The following SUPT3H variants were observed in gnomAD, a reference collection of about 807,000 sequenced individuals.
The protein encoded by SUPT3H is transcription initiation protein SPT3 homolog.
Under a neutral mutation model 44.3 loss-of-function variants are expected in SUPT3H, and 44 were observed. The observed-to-expected ratio is 0.99, with a 90% CI of 0.78 to 1.28. SUPT3H has a LOEUF of 1.28. SUPT3H is among the 50% of genes most tolerant of loss of function. The probability of loss-of-function intolerance (pLI) is 0.00; values close to 1 mark genes in which losing one functional copy is unlikely to be tolerated. For missense variants in SUPT3H, 380 were observed against 387.1 expected, an observed-to-expected ratio of 0.98 and a Z score of 0.15; for synonymous variants, 124 against 125.6, an observed-to-expected ratio of 0.99 and a Z score of 0.09.
chr6:45,302,469 T>A (rs1185819479), intron 2 of SUPT3H, among the ~76,000 whole-genome samples: 4 of 139,682 alleles, frequency 2.9e-5, no homozygotes, highest in Admixed American at 2.9e-4. Flanking sequence ...CATATATACA[T>A]ATATATATAT....
intron 9 of SUPT3H, among the ~76,000 whole-genome samples, chr6:44,943,271 A>C (rs1485423670): frequency 6.6e-6 from 1 of 152,170 alleles, no homozygotes; most frequent in African/African-American, 2.4e-5. Flanking sequence ...AATAGATTGG[A>C]GTTGACAGAA....
intron 10 of SUPT3H, among the ~76,000 whole-genome samples, chr6:44,848,710 T>C (rs537567850): frequency 8.7e-4 from 133 of 152,200 alleles, no homozygotes; most frequent in Non-Finnish European, 1.6e-3. Flanking sequence ...TCTACAAGCA[T>C]TCTCTCATGT....
At position 45,351,028 on chromosome 6, in the gene SUPT3H, C is replaced by A. The variant is rs79900913; in HGVS notation, c.101+14173G>T. 7.9e-3 allele frequency among the ~76,000 whole-genome samples: 1,204 copies of A among 152,230 alleles called. 23 individuals carry two copies. The highest frequency in any genetic ancestry group is 0.027 in the African/African-American group (1,137 of 41,526). On this transcript the variant is annotated intron_variant, in intron 2 of 10. Coordinates refer to ENST00000371459, the MANE Select transcript of SUPT3H (RefSeq NM_003599.4). ...TAAGTTCTGCGCTCCTTATGAGAAT[C>A]TAATGCCTGATGATGTGAGGTGTAA...
At chr6:44,864,262 A>G (rs910262845) in intron 10 of SUPT3H, among the ~76,000 whole-genome samples, 15 of 152,226 alleles carry the variant, frequency 9.9e-5, no homozygotes, top group African/African-American at 3.6e-4. Context: ...GGCATTGGGT[A>G]AATACAGCCA....
chr6:45,329,669 A>G (rs1787065965), intron 2 of SUPT3H, among the ~76,000 whole-genome samples: 1 of 151,966 alleles, frequency 6.6e-6, no homozygotes, highest in Non-Finnish European at 1.5e-5. Context: ...ACCCTGTATG[A>G]TTTTTAAAAG....
intron 2 of SUPT3H, among the ~76,000 whole-genome samples, chr6:45,295,928 A>T (rs1472576704): frequency 3.9e-5 from 6 of 152,150 alleles, no homozygotes; most frequent in African/African-American, 1.4e-4. Flanking sequence ...GAGATTCTTT[A>T]AAGAACTAAA....
chr6:45,287,047 A>G (rs1349843185), intron 2 of SUPT3H, among the ~76,000 whole-genome samples: 1 of 152,040 alleles, frequency 6.6e-6, no homozygotes, highest in Non-Finnish European at 1.5e-5. Flanking sequence ...AACAATGAGA[A>G]CACATGGACA....
rs187332101 is a variant in SUPT3H at position 45,283,830 on chromosome 6, T to G, written c.101+81371A>C. Among the ~76,000 whole-genome samples the G allele has an allele frequency of 7.1e-3, 1,079 of 152,250 alleles. 20 individuals carry two copies. The highest frequency in any genetic ancestry group is 0.025 in the African/African-American group (1,024 of 41,546). On this transcript the variant is annotated intron_variant, in intron 2 of 10. Coordinates refer to ENST00000371459, the MANE Select transcript of SUPT3H (RefSeq NM_003599.4). ...ACCTATCCCAAAACTGACCACATAG[T>G]TGGAAGTAAAGTACTCCTCAGCAAA...
chr6:45,299,635 G>C (rs1052582184), intron 2 of SUPT3H, among the ~76,000 whole-genome samples: 1 of 151,306 alleles, frequency 6.6e-6, no homozygotes, highest in South Asian at 2.1e-4. Flanking sequence ...TTTAATGGTA[G>C]CTAAAAAAAT....
At chr6:44,867,349 C>T (rs1372892112) in intron 10 of SUPT3H, among the ~76,000 whole-genome samples, 5 of 151,942 alleles carry the variant, frequency 3.3e-5, no homozygotes, top group African/African-American at 4.8e-5. Flanking sequence ...ACATGTTGGC[C>T]GGGCTGGTTT....
intron 10 of SUPT3H, among the ~76,000 whole-genome samples, chr6:44,862,308 C>T (rs1427152249): frequency 6.6e-6 from 1 of 151,792 alleles, no homozygotes; most frequent in Non-Finnish European, 1.5e-5. Flanking sequence ...TTTTTGGAAC[C>T]CCAAAACCAG....
At chr6:44,975,986 A>T (rs1284965917) in intron 6 of SUPT3H, among the ~76,000 whole-genome samples, 1 of 152,148 alleles carries the variant, frequency 6.6e-6, no homozygotes, top group Non-Finnish European at 1.5e-5. Flanking sequence ...AACAAAACAA[A>T]CAAAATTAAA....
chr6:45,294,582 A>T (rs1780818973), intron 2 of SUPT3H, among the ~76,000 whole-genome samples: 1 of 152,002 alleles, frequency 6.6e-6, no homozygotes, highest in Non-Finnish European at 1.5e-5. Context: ...AAAACCCTAA[A>T]GCCTCCTCCA....
chr6:45,295,629 C>T (rs1361488520), intron 2 of SUPT3H, among the ~76,000 whole-genome samples: 1 of 150,610 alleles, frequency 6.6e-6, no homozygotes, highest in Non-Finnish European at 1.5e-5. Flanking sequence ...GGTCTAATAC[C>T]CAAAATCTAC....
chr6:44,974,331 G>A (rs959626951), intron 6 of SUPT3H, among the ~76,000 whole-genome samples: 1 of 151,852 alleles, frequency 6.6e-6, no homozygotes, highest in Non-Finnish European at 1.5e-5. Flanking sequence ...GTGTGTTTGT[G>A]TTTGTGTAAT....
At chr6:45,243,501 T>G (rs966914800) in intron 2 of SUPT3H, among the ~76,000 whole-genome samples, 2 of 150,014 alleles carry the variant, frequency 1.3e-5, no homozygotes, top group African/African-American at 2.4e-5. Context: ...TTAAACTAAC[T>G]GAGAATGAGA....
intron 2 of SUPT3H, among the ~76,000 whole-genome samples, chr6:45,226,833 A>G (rs1392062094): frequency 2.0e-5 from 3 of 151,754 alleles, no homozygotes; most frequent in African/African-American, 7.3e-5. Context: ...CTGGCCAACA[A>G]AAATATTTTA....
intron 10 of SUPT3H, among the ~76,000 whole-genome samples, chr6:44,918,579 C>T (rs1768164371): frequency 6.6e-6 from 1 of 152,136 alleles, no homozygotes; most frequent in Admixed American, 6.5e-5. Context: ...AATATACCAA[C>T]TCATCTTGGA....
Position 44,841,492 on chromosome 6 carries a change from T to A in SUPT3H, c.913-11635A>T, listed in dbSNP as rs57972564. Among the ~76,000 whole-genome samples the A allele has an allele frequency of 7.6e-3, 1,151 of 152,328 alleles. 22 individuals are homozygous for A. The highest frequency in any genetic ancestry group is 0.026 in the African/African-American group (1,086 of 41,568). On this transcript the variant is annotated intron_variant, in intron 10 of 10. Coordinates refer to ENST00000371459, the MANE Select transcript of SUPT3H (RefSeq NM_003599.4). ...AAAGACACCCACATAGGAGGTGCTG[T>A]ACTTCTCGTAGCCACTGACCAACAA...
Sources: allele counts gnomAD v4.1 joint callset (sites outside exome capture counted in the v4.1 genomes callset), GRCh38; gene constraint gnomAD v4.1.1; transcripts MANE v1.5; gene names NCBI Gene and HGNC (gene_info 2026-07-23, HGNC 2026-07-21).